ATP6V1G1: variants seen among roughly 807,000 people sequenced by gnomAD.
ATP6V1G1 encodes V-type proton ATPase subunit G 1.
ATP6V1G1 carries 14 observed loss-of-function variants against 14.2 expected under a neutral mutation model. That is an observed-to-expected ratio of 0.99 (90% CI 0.65 to 1.55). The LOEUF (loss-of-function observed/expected upper bound fraction) is 1.55, where lower values mean the gene tolerates loss of function less well. Among genes scored for constraint, ATP6V1G1 ranks in the 40% most tolerant of loss-of-function variants. The pLI is 0.00. For synonymous variants in ATP6V1G1, 65 were observed against 53.3 expected (o/e 1.22, Z -0.96); for missense variants, 137 against 146.4 (o/e 0.94, Z 0.33).
In ATP6V1G1 at chr9:114,592,553, A is replaced by G; in HGVS notation, c.84A>G (p.Arg28=). The G allele has an allele frequency of 6.4e-7, 1 of 1,561,194 alleles. No individual in the cohort carries two copies. Among genetic ancestry groups the G allele is most frequent in the Non-Finnish European group, 8.7e-7 (1 of 1,152,716 alleles). ...TATAGCTCTCTCCTTTGAAAACAGG[A>G]AAGAACCGGAGGCTGAAGCAGGCCA... ...AAEKVSEARK[R]KNRRLKQAKE... The change falls in exon 2 of 3, where the codon AGA becomes AGG. Residue 28 remains arginine, a splice_region_variant and synonymous_variant. Transcript: ENST00000374050.
intron 2 of ATP6V1G1, among the ~76,000 whole-genome samples, chr9:114,595,609 G>A (rs368383355): frequency 2.0e-5 from 3 of 152,098 alleles, no homozygotes; most frequent in Non-Finnish European, 4.4e-5. Context: ...AGCCGAGATC[G>A]TACCACTGCA....
In ATP6V1G1 at chr9:114,587,793, C is replaced by G. The variant is rs961446017; in HGVS notation, c.-46C>G. 4 of 1,546,266 alleles carry G rather than the reference C, an allele frequency of 2.6e-6. No individual in the cohort carries two copies. Among genetic ancestry groups the G allele is most frequent in the Non-Finnish European group, 3.5e-6 (4 of 1,141,698 alleles). On this transcript the variant is annotated 5_prime_UTR_variant, in exon 1 of 3. Transcript: ENST00000374050. ...TGTGTCAGCTGACCCAAGGGGCCTT[C>G]GAGGTGCCTTAGGCCGCTTGCCTTG... is the stretch of plus-strand genomic sequence containing the variant.
In ATP6V1G1 at chr9:114,588,540, T is replaced by TG. The variant is rs3035395; in HGVS notation, c.82+620_82+621insG. Among the ~76,000 whole-genome samples the TG allele has an allele frequency of 3.3e-5, 5 of 150,740 alleles. No individual in the cohort carries two copies. In the East Asian group the frequency reaches 5.9e-4, roughly 18 times the overall value. On this transcript the variant is annotated intron_variant, in intron 1 of 2. Transcript: ENST00000374050. Reference sequence around the variant, plus strand: ...GTGTGTGTGTGTGTGTGTGTGTGTGTTTCTGTCTAATATGTGGCAAGCGCA... The same window carrying TG: ...GTGTGTGTGTGTGTGTGTGTGTGTGTGTTCTGTCTAATATGTGGCAAGCGCA...
At position 114,598,460 on chromosome 9, in the gene ATP6V1G1, A is replaced by G. The variant is rs552911832; in HGVS notation, c.*717A>G. The G allele has an allele frequency of 6.6e-6, 1 of 152,474 alleles. No individual in the cohort carries two copies. The highest frequency in any genetic ancestry group is 6.6e-5 in the Admixed American group (1 of 15,256). The allele number at this position is 152,474 out of a possible 1,614,324, so 9.4% of individuals were successfully genotyped here. ...TCATGCGAAATGCATTTTGACCCAG[A>G]TGGTCTGCAGAACTTCACTTAGGAC... On this transcript the variant is annotated 3_prime_UTR_variant, in exon 3 of 3. Transcript: ENST00000374050.
chr9:114,597,221 A>G (rs1589314473), intron 2 of ATP6V1G1, among the ~76,000 whole-genome samples: 1 of 151,774 alleles, frequency 6.6e-6, no homozygotes, highest in East Asian at 1.9e-4. Context: ...CGATCTCCTG[A>G]CCTCGTGATC....
At chr9:114,588,553 T>G (rs1481181214) in intron 1 of ATP6V1G1, among the ~76,000 whole-genome samples, 1 of 150,806 alleles carries the variant, frequency 6.6e-6, no homozygotes, top group African/African-American at 2.4e-5. Context: ...CTGTCTAATA[T>G]GTGGCAAGCG....
intron 2 of ATP6V1G1, among the ~76,000 whole-genome samples, chr9:114,597,021 C>T (rs13286297): frequency 2.3e-5 from 3 of 129,898 alleles, no homozygotes; most frequent in Non-Finnish European, 4.6e-5. Flanking sequence ...GACGGAGTCT[C>T]GCTCTGTCGC....
chr9:114,594,321 G>A (rs1224688942), intron 2 of ATP6V1G1, among the ~76,000 whole-genome samples: 2 of 151,642 alleles, frequency 1.3e-5, no homozygotes, highest in Admixed American at 6.6e-5. Context: ...TGCCTGCCCC[G>A]GCCTCCCAGA....
chr9:114,592,405 T>G, intron 1 of ATP6V1G1, 147 bp from the exon 2 acceptor site: 1 of 768,076 alleles, frequency 1.3e-6, no homozygotes, highest in Non-Finnish European at 2.0e-6. Flanking sequence ...TACTGTTTGT[T>G]AGCTCTGAAT....
rs369961991 is a variant in ATP6V1G1 at position 114,597,730 on chromosome 9, G to A, written c.344G>A (p.Arg115His). The change falls in exon 3 of 3, where the codon CGC (arginine) becomes CAC (histidine). Residue 115 changes from arginine (R) to histidine (H), a missense_variant. Physicochemically the swap from Arg to His is conservative, Grantham distance 29. Coordinates refer to ENST00000374050, the MANE Select transcript of ATP6V1G1 (RefSeq NM_004888.4). ...CGGCCAGAAATCCATGAAAACTACCGCATAAATGGATAGAAGAGAGAAGCA... is the reference window on the plus strand; with the variant it reads ...CGGCCAGAAATCCATGAAAACTACCACATAAATGGATAGAAGAGAGAAGCA... ...DIRPEIHENY[R>H]ING The A allele has an allele frequency of 1.1e-5, 18 of 1,583,346 alleles. No homozygotes were observed. The highest frequency in any genetic ancestry group is 3.9e-5 in the Admixed American group (2 of 51,638).
At chr9:114,593,653 T>C (rs1420109225) in intron 2 of ATP6V1G1, among the ~76,000 whole-genome samples, 1 of 152,150 alleles carries the variant, frequency 6.6e-6, no homozygotes, top group Non-Finnish European at 1.5e-5. Flanking sequence ...TGATCCATCA[T>C]GCTCAGCTAA....
chr9:114,593,874 T>A (rs1425741215), intron 2 of ATP6V1G1, among the ~76,000 whole-genome samples: 3 of 151,934 alleles, frequency 2.0e-5, no homozygotes, highest in Admixed American at 6.6e-5. Flanking sequence ...GAGGATTGCT[T>A]GAAGCCACAA....
Position 114,596,242 on chromosome 9 carries a change from G to A in ATP6V1G1, c.184-1328G>A, listed in dbSNP as rs548563216. On this transcript the variant is annotated intron_variant, in intron 2 of 2. Transcript: ENST00000374050. The stretch of plus-strand genomic sequence containing the variant: ...ACTAAAAACACAGAAAAAAAAATTA[G>A]CCGGGCGTGGTGGCTGGCGCCTGTA... Among the ~76,000 whole-genome samples the A allele has an allele frequency of 3.9e-3, 599 of 152,148 alleles. 2 individuals carry two copies. Among genetic ancestry groups the A allele is most frequent in the Non-Finnish European group, 6.2e-3 (424 of 67,994 alleles).
In ATP6V1G1 at chr9:114,597,968, A is replaced by T; in HGVS notation, c.*225A>T. 3.0e-6 allele frequency: 1 copy of T among 330,110 alleles called. No homozygotes were observed. 20.4% of individuals were successfully genotyped at this position (330,110 alleles called of 1,614,324 possible). A position where few individuals can be genotyped will look rare whatever the true frequency, so the allele number is the denominator to read the frequency against. On this transcript the variant is annotated 3_prime_UTR_variant, in exon 3 of 3. Transcript: ENST00000374050. ...TTACCTCATATTTCTTAGGAATTTA[A>T]TGGTTATATGTTGTCTTTTTTTCCT... is the stretch of plus-strand genomic sequence containing the variant.
In ATP6V1G1 at chr9:114,588,020, G is replaced by A. The variant is rs528175121; in HGVS notation, c.82+100G>A. 12 of 1,289,634 alleles carry A rather than the reference G, an allele frequency of 9.3e-6. No homozygotes were observed. The South Asian group carries it at 1.2e-4, about 13-fold the overall frequency. The allele number at this position is 1,289,634 out of a possible 1,614,324, so 79.9% of individuals were successfully genotyped here. ...TTAGGCCCGAAAAACTGCGGGGTGC[G>A]GGCGTGCGTATAGTCGCGGAAGGTT... On this transcript the variant is annotated intron_variant, in intron 1 of 2. Transcript: ENST00000374050.
intron 2 of ATP6V1G1, among the ~76,000 whole-genome samples, chr9:114,595,898 T>C (rs1161417567): frequency 6.6e-6 from 1 of 152,160 alleles, no homozygotes; most frequent in Non-Finnish European, 1.5e-5. Context: ...TTAGCATATA[T>C]ATATATGTAT....
intron 2 of ATP6V1G1, among the ~76,000 whole-genome samples, chr9:114,595,281 A>G (rs951755421): frequency 6.6e-6 from 1 of 152,200 alleles, no homozygotes; most frequent in Admixed American, 6.5e-5. Context: ...GGTTCTGAAC[A>G]TAAAAGAATG....
At chr9:114,597,434 C>T (rs1845251008) in intron 2 of ATP6V1G1, 136 bp from the exon 3 acceptor site, 2 of 796,444 alleles carry the variant, frequency 2.5e-6, no homozygotes, top group Non-Finnish European at 3.6e-6. Context: ...GCCATGAGGT[C>T]ATATTGCCAG....
intron 2 of ATP6V1G1, among the ~76,000 whole-genome samples, chr9:114,597,219 T>C (rs993276754): frequency 3.3e-4 from 50 of 152,150 alleles, no homozygotes; most frequent in Non-Finnish European, 5.7e-4. Context: ...CTCGATCTCC[T>C]GACCTCGTGA....
Sources: gnomAD v4.1 joint callset for allele counts (sites outside exome capture counted in the v4.1 genomes callset) on GRCh38, gnomAD v4.1.1 for gene constraint, MANE v1.5 for transcripts, NCBI Gene and HGNC (gene_info 2026-07-23, HGNC 2026-07-21) for gene names.